The following ABCD4 variants were observed in gnomAD, a reference collection of about 807,000 sequenced individuals.
ABCD4 encodes the protein lysosomal cobalamin transporter ABCD4.
In ABCD4, 53 loss-of-function variants were observed where a neutral mutation model predicts 86.3. The ratio of observed to expected loss-of-function variants is 0.61; its 90% CI spans 0.49 to 0.77. The LOEUF (loss-of-function observed/expected upper bound fraction) is 0.77. Among genes scored for constraint, ABCD4 ranks in the 30% least tolerant of loss-of-function variants. The pLI is 0.00. For missense variants in ABCD4, 757 were observed against 764.5 expected, an observed-to-expected ratio of 0.99 and a Z score of 0.12; for synonymous variants, 328 against 313.6, an observed-to-expected ratio of 1.05 and a Z score of -0.49.
In ABCD4 at chr14:74,299,456, C is replaced by T. The variant is rs2083737390; in HGVS notation, c.285+92G>A. On this transcript the variant is annotated intron_variant, in intron 3 of 18. Coordinates refer to ENST00000356924, the MANE Select transcript of ABCD4 (RefSeq NM_005050.4). ...GGAGGAAACACACCCCCACAGCTTG[C>T]TTCCTGCTTCCTGGAGGCTAAGTTC... The T allele has an allele frequency of 4.0e-6, 6 of 1,512,774 alleles. No homozygotes were observed. The South Asian group carries it at 7.2e-5, about 18-fold the overall frequency. 93.7% of individuals were successfully genotyped at this position (1,512,774 alleles called of 1,614,324 possible). A position where few individuals can be genotyped will look rare whatever the true frequency, so the allele number is the denominator to read the frequency against.
chr14:74,286,630 CCT>C, intron 18 of ABCD4, 69 bp downstream of exon 18: 4 of 1,612,614 alleles, frequency 2.5e-6, no homozygotes, highest in Non-Finnish European at 3.4e-6. Flanking sequence ...TTTTGAGGGG[CCT>C]CTGGCCCTGG....
At chr14:74,286,869 C>A (rs1178663376) in intron 17 of ABCD4, 53 bp from the exon 18 acceptor site, 1 of 1,536,736 alleles carries the variant, frequency 6.5e-7, no homozygotes, top group East Asian at 2.3e-5. Flanking sequence ...TCTGCCGCCG[C>A]TGCTTCTCCT....
At position 74,293,173 on chromosome 14, in the gene ABCD4, G is replaced by A; in HGVS notation, c.795C>T (p.Ser265=). The change falls in exon 8 of 19, where the codon TCC becomes TCT. Residue 265 remains serine (S), a synonymous_variant. Transcript: ENST00000356924. ...RLLQTQRELM[S]KELWLYIGIN... Reference sequence around the variant, plus strand: ...GCCTACTGTACAGCCAGAGCTCCTTGGACATCAGCTCCCTCTGGGTCTGAA... The same window carrying A: ...GCCTACTGTACAGCCAGAGCTCCTTAGACATCAGCTCCCTCTGGGTCTGAA... The A allele has an allele frequency of 6.2e-7, 1 of 1,614,090 alleles. No homozygotes were observed.
At chr14:74,295,528 C>T (rs932297379) in intron 6 of ABCD4, among the ~76,000 whole-genome samples, 1 of 152,206 alleles carries the variant, frequency 6.6e-6, no homozygotes. Flanking sequence ...TTGGCTGCCA[C>T]ACCCAACTGA....
intron 5 of ABCD4, 120 bp downstream of exon 5, chr14:74,296,213 G>T: frequency 8.6e-7 from 1 of 1,157,388 alleles, no homozygotes; most frequent in Non-Finnish European, 1.3e-6. Flanking sequence ...TGGGATGGGT[G>T]AGCACGTGGT....
Position 74,290,336 on chromosome 14 carries a change from T to C in ABCD4, c.1282A>G (p.Thr428Ala). 1 of 1,613,558 alleles carries C rather than the reference T, an allele frequency of 6.2e-7. No homozygotes were observed. The highest frequency in any genetic ancestry group is 8.5e-7 in the Non-Finnish European group (1 of 1,179,860). ...CCACCCAGAACCCGGAGCAAGGAGG[T>C]CTTGCCAGTGCCCGTGTTGCCTGTG... Reference protein sequence around the residue: ...LITGNTGTGKTSLLRVLGGLW... With the variant: ...LITGNTGTGKASLLRVLGGLW... Residue 428 changes from threonine to alanine, a missense_variant, in exon 12 of 19, where the codon ACC becomes GCC. Physicochemically the swap from Thr to Ala is moderately conservative, Grantham distance 58. Coordinates refer to ENST00000356924, the MANE Select transcript of ABCD4 (RefSeq NM_005050.4).
chr14:74,289,358 C>T (rs2080812749), intron 14 of ABCD4, 125 bp downstream of exon 14: 13 of 1,487,234 alleles, frequency 8.7e-6, no homozygotes, highest in Non-Finnish European at 1.1e-5. Context: ...GAGAGGAGCC[C>T]CTCTTCCTTG....
chr14:74,300,280 G>C lies in ABCD4; in HGVS notation c.39-12C>G. On this transcript the variant is annotated splice_polypyrimidine_tract_variant and intron_variant, in intron 1 of 18. Transcript: ENST00000356924. ...GATCTAACCTGGGCCTGAAGAGAAG[G>C]TGGGGAGGCAGAGAAAAGCCCAAGA... is the stretch of plus-strand genomic sequence containing the variant. 6.4e-7 allele frequency: 1 copy of C among 1,569,300 alleles called. No homozygotes were observed. The highest frequency in any genetic ancestry group is 8.8e-7 in the Non-Finnish European group (1 of 1,139,930).
intron 1 of ABCD4, among the ~76,000 whole-genome samples, chr14:74,301,404 C>T (rs1029743839): frequency 5.3e-5 from 8 of 152,130 alleles, no homozygotes; most frequent in African/African-American, 1.9e-4. Context: ...CAGTGGTCCA[C>T]CTACCTCAGC....
intron 11 of ABCD4, among the ~76,000 whole-genome samples, 197 bp downstream of exon 11, chr14:74,292,090 G>T (rs2081639513): frequency 6.6e-6 from 1 of 152,110 alleles, no homozygotes. Context: ...CACTGGCCGG[G>T]GAATGGTGTA....
chr14:74,298,460 G>A (rs58453408), intron 3 of ABCD4, among the ~76,000 whole-genome samples: 9,967 of 152,008 alleles, frequency 0.066, 1,078 homozygotes, highest in African/African-American at 0.23. Flanking sequence ...TAGTAGAGAC[G>A]GGGTTTCTCC....
chr14:74,296,326 G>C lies in ABCD4; in HGVS notation c.542+7C>G, dbSNP rs772552767. On this transcript the variant is annotated splice_region_variant and intron_variant, in intron 5 of 18. Coordinates refer to ENST00000356924, the MANE Select transcript of ABCD4 (RefSeq NM_005050.4). ...AAACACCAGGCTGGGGAGGAGGGAG[G>C]CTTCACCTTTGGAAGCACTGGTAAG... 5.6e-6 allele frequency: 9 copies of C among 1,612,784 alleles called. No individual in the cohort carries two copies. Among genetic ancestry groups the C allele is most frequent in the Middle Eastern group, 1.6e-4 (1 of 6,080 alleles).
chr14:74,286,230 C>T lies in ABCD4; in HGVS notation c.*231G>A, dbSNP rs1038535345. ...CACTTCAAGCATATGGAGGCTCTGG[C>T]TGAGGCAGCAGAGTCCTGGGAGACT... On this transcript the variant is annotated 3_prime_UTR_variant, in exon 19 of 19. Coordinates refer to ENST00000356924, the MANE Select transcript of ABCD4 (RefSeq NM_005050.4). 2.0e-6 allele frequency: 1 copy of T among 499,404 alleles called. No individual in the cohort carries two copies. The highest frequency in any genetic ancestry group is 3.6e-6 in the Non-Finnish European group (1 of 281,252). The allele number at this position is 499,404 out of a possible 1,614,324, so 30.9% of individuals were successfully genotyped here.
In ABCD4 at chr14:74,295,668, G is replaced by A. The variant is rs993557217; in HGVS notation, c.668+186C>T. The A allele has an allele frequency of 2.8e-5, 20 of 707,414 alleles. No homozygotes were observed. The South Asian group carries it at 3.9e-4, about 14-fold the overall frequency. The allele number at this position is 707,414 out of a possible 1,614,324, so 43.8% of individuals were successfully genotyped here. A position where few individuals can be genotyped will look rare whatever the true frequency, so the allele number is the denominator to read the frequency against. On this transcript the variant is annotated intron_variant, in intron 6 of 18. Transcript: ENST00000356924. ...TTCATTAATCCTCCTAATCCTCTCA[G>A]TAGGCAACGGTACCATTTCCACTTT...
intron 7 of ABCD4, 50 bp downstream of exon 7, chr14:74,295,098 C>G: frequency 1.2e-6 from 2 of 1,603,312 alleles, no homozygotes; most frequent in Non-Finnish European, 1.7e-6. Context: ...CTTTCCTTCT[C>G]CACTCTCAGC....
intron 15 of ABCD4, 61 bp from the exon 16 acceptor site, chr14:74,288,320 TG>T (rs2080407175): frequency 1.3e-6 from 2 of 1,523,420 alleles, no homozygotes; most frequent in East Asian, 2.3e-5. Context: ...CCTGCCATCA[TG>T]GGGAACCTCC....
chr14:74,299,187 T>G, intron 3 of ABCD4: 1 of 212,524 alleles, frequency 4.7e-6, no homozygotes, highest in Non-Finnish European at 9.5e-6. Context: ...CCAGGGTGAG[T>G]CACAGCCTCG....
In ABCD4 at chr14:74,295,962, G is replaced by A. The variant is rs1292355386; in HGVS notation, c.560C>T (p.Pro187Leu). 2 of 1,610,386 alleles carry A rather than the reference G, an allele frequency of 1.2e-6. No individual in the cohort carries two copies. Among genetic ancestry groups the A allele is most frequent in the South Asian group, 1.1e-5 (1 of 90,500 alleles). The change falls in exon 6 of 19, where the codon CCT (proline) becomes CTT (leucine). Residue 187 changes from proline (P) to leucine (L), a missense_variant. By Grantham distance (98) the Pro-to-Leu change is moderately conservative. Transcript: ENST00000356924. ...QCFQSTGWLG[P>L]VSIFGYFILG... is the part of the protein sequence containing the mutation. ...GATGAAATACCCGAAGATGCTCACA[G>A]GCCCGAGCCAGCCTGTGCTGAAATA...
At chr14:74,289,412 G>C in intron 14 of ABCD4, 71 bp downstream of exon 14, 4 of 1,598,444 alleles carry the variant, frequency 2.5e-6, no homozygotes. Context: ...GCACAGATGA[G>C]GCCACAGTCA....
Sources: gnomAD v4.1 joint callset for allele counts (sites outside exome capture counted in the v4.1 genomes callset) on GRCh38, gnomAD v4.1.1 for gene constraint, MANE v1.5 for transcripts, NCBI Gene and HGNC (gene_info 2026-07-23, HGNC 2026-07-21) for gene names.